Variants in EMID1 observed in about 807,000 individuals in gnomAD.
EMID1 encodes EMI domain-containing protein 1.
A neutral mutation model predicts 60.6 loss-of-function variants in EMID1; 40 were observed. The ratio of observed to expected loss-of-function variants is 0.66; its 90% CI spans 0.51 to 0.86. The LOEUF (loss-of-function observed/expected upper bound fraction) is 0.86, where lower values mean the gene tolerates loss of function less well. Among genes scored for constraint, EMID1 ranks in the 40% least tolerant of loss-of-function variants. EMID1 has a pLI of 0.00. For synonymous variants in EMID1, 242 were observed against 231.0 expected (o/e 1.05, Z -0.43); for missense variants, 585 against 597.1 (o/e 0.98, Z 0.21).
At chr22:29,241,816 A>G (rs969708282) in intron 12 of EMID1, among the ~76,000 whole-genome samples, 2 of 149,868 alleles carry the variant, frequency 1.3e-5, no homozygotes, top group African/African-American at 4.9e-5. Flanking sequence ...TCTGCTCTCC[A>G]GTATGTCCTT....
intron 5 of EMID1, among the ~76,000 whole-genome samples, chr22:29,230,788 C>G (rs755631451): frequency 6.6e-5 from 10 of 152,136 alleles, no homozygotes; most frequent in African/African-American, 2.4e-4. Flanking sequence ...CTCGTCTCTA[C>G]AAATAATTTT....
At chr22:29,207,101 T>A (rs1209193095) in intron 1 of EMID1, among the ~76,000 whole-genome samples, 1 of 152,208 alleles carries the variant, frequency 6.6e-6, no homozygotes, top group Non-Finnish European at 1.5e-5. Flanking sequence ...CCCTACGGCC[T>A]CAATTCTTTA....
intron 1 of EMID1, among the ~76,000 whole-genome samples, chr22:29,214,194 A>G (rs1002415796): frequency 1.3e-5 from 2 of 152,174 alleles, no homozygotes; most frequent in Non-Finnish European, 2.9e-5. Context: ...CTCCTCTTGC[A>G]TGCTGGCGGA....
At chr22:29,257,652 G>A (rs1334925564) in intron 14 of EMID1, among the ~76,000 whole-genome samples, 2 of 152,308 alleles carry the variant, frequency 1.3e-5, no homozygotes, top group Non-Finnish European at 1.5e-5. Context: ...GGGTGGAAGC[G>A]ACACCAACCT....
chr22:29,215,813 C>T (rs952119306), intron 3 of EMID1, among the ~76,000 whole-genome samples, 183 bp downstream of exon 3: 6 of 152,218 alleles, frequency 3.9e-5, no homozygotes, highest in Admixed American at 6.5e-5. Flanking sequence ...CCACGGTGAC[C>T]GCTTGCCTCT....
At position 29,243,454 on chromosome 22, in the gene EMID1, G is replaced by A. The variant is rs1265161637; in HGVS notation, c.1084G>A (p.Gly362Ser). 2.7e-5 allele frequency: 44 copies of A among 1,614,012 alleles called. No homozygotes were observed. The highest frequency in any genetic ancestry group is 3.6e-5 in the Non-Finnish European group (42 of 1,179,990). The change falls in exon 13 of 15, where the codon GGC (glycine) becomes AGC (serine). Residue 362 changes from glycine to serine, a missense_variant. Coordinates refer to ENST00000334018, the MANE Select transcript of EMID1 (RefSeq NM_133455.4). ...QGSAGQRGEP[G>S]PKGDPGEKSH... ...CTGTCTCTCCTTGCAGGGGGAACCT[G>A]GCCCTAAGGGAGACCCTGGTGAGAA...
intron 1 of EMID1, among the ~76,000 whole-genome samples, chr22:29,211,788 C>G (rs992856374): frequency 1.3e-5 from 2 of 152,232 alleles, no homozygotes; most frequent in African/African-American, 4.8e-5. Context: ...CCTCTTCCTC[C>G]CTCCCTCCTT....
intron 13 of EMID1, among the ~76,000 whole-genome samples, chr22:29,250,579 T>A (rs540109694): frequency 6.6e-6 from 1 of 151,696 alleles, no homozygotes; most frequent in African/African-American, 2.4e-5. Context: ...TTTCTTTTTT[T>A]AATTTGAGAC....
At chr22:29,231,224 G>T (rs1436015043) in intron 6 of EMID1, 84 bp downstream of exon 6, 7 of 1,502,804 alleles carry the variant, frequency 4.7e-6, no homozygotes, top group Non-Finnish European at 6.2e-6. Context: ...CCACCCTGTC[G>T]CTGACTCCCA....
chr22:29,243,832 C>G (rs1275241909), intron 13 of EMID1, among the ~76,000 whole-genome samples: 1 of 152,236 alleles, frequency 6.6e-6, no homozygotes, highest in Admixed American at 6.5e-5. Context: ...CATCCCCTGC[C>G]TCCATAGCCC....
intron 1 of EMID1, among the ~76,000 whole-genome samples, chr22:29,213,416 C>T (rs2039968609): frequency 6.6e-6 from 1 of 152,202 alleles, no homozygotes; most frequent in Non-Finnish European, 1.5e-5. Flanking sequence ...CCAGCCTTCC[C>T]ACCTCCAGGG....
chr22:29,225,958 G>A (rs926382786), intron 4 of EMID1, among the ~76,000 whole-genome samples: 1 of 152,168 alleles, frequency 6.6e-6, no homozygotes, highest in Non-Finnish European at 1.5e-5. Context: ...GGACCTTTGA[G>A]GCCAGCCCAG....
intron 1 of EMID1, among the ~76,000 whole-genome samples, chr22:29,207,407 A>T (rs981494817): frequency 6.6e-6 from 1 of 152,222 alleles, no homozygotes; most frequent in Non-Finnish European, 1.5e-5. Context: ...GAGGAGGAAG[A>T]TGAGGCTCAG....
chr22:29,240,968 G>A (rs989392505), intron 12 of EMID1, among the ~76,000 whole-genome samples: 2 of 152,208 alleles, frequency 1.3e-5, no homozygotes, highest in African/African-American at 4.8e-5. Flanking sequence ...GTTCAGAACA[G>A]AATGCTTGGT....
intron 14 of EMID1, among the ~76,000 whole-genome samples, chr22:29,256,006 G>A (rs888271650): frequency 6.6e-6 from 1 of 152,122 alleles, no homozygotes; most frequent in Non-Finnish European, 1.5e-5. Flanking sequence ...GTGAGGCTGA[G>A]AAAATCTCTC....
intron 14 of EMID1, among the ~76,000 whole-genome samples, chr22:29,256,099 C>T (rs1443600207): frequency 6.6e-6 from 1 of 152,142 alleles, no homozygotes; most frequent in Non-Finnish European, 1.5e-5. Context: ...TCCTCACCTG[C>T]CCAGCCGCCC....
intron 1 of EMID1, among the ~76,000 whole-genome samples, chr22:29,207,214 T>C (rs934640327): frequency 3.3e-5 from 5 of 152,128 alleles, no homozygotes; most frequent in African/African-American, 1.2e-4. Context: ...ACGGAGGTGG[T>C]TGAAGCATCA....
chr22:29,240,692 G>T (rs7284720), intron 12 of EMID1, among the ~76,000 whole-genome samples: 1 of 152,198 alleles, frequency 6.6e-6, no homozygotes, highest in Non-Finnish European at 1.5e-5. Flanking sequence ...TAAATCATGC[G>T]CTTGACGCAT....
At chr22:29,249,602 A>G (rs2041450595) in intron 13 of EMID1, among the ~76,000 whole-genome samples, 2 of 144,388 alleles carry the variant, frequency 1.4e-5, no homozygotes, top group South Asian at 4.4e-4. Context: ...TTATTTATTT[A>G]TTTATTTATT....
Sources: gnomAD v4.1 joint callset for allele counts (sites outside exome capture counted in the v4.1 genomes callset) on GRCh38, gnomAD v4.1.1 for gene constraint, MANE v1.5 for transcripts, NCBI Gene and HGNC (gene_info 2026-07-23, HGNC 2026-07-21) for gene names.